The following ADGRB3 variants were observed in gnomAD, a reference collection of about 807,000 sequenced individuals.
ADGRB3 encodes the protein adhesion G protein-coupled receptor B3.
A neutral mutation model predicts 193.4 loss-of-function variants in ADGRB3; 37 were observed. The observed-to-expected ratio is 0.19, with a 90% CI of 0.15 to 0.25. The LOEUF is 0.25. Ranked by LOEUF, ADGRB3 falls within the 10% of genes least tolerant of loss-of-function variation. The pLI is 1.00. For synonymous variants in ADGRB3, 690 were observed against 644.2 expected (o/e 1.07, Z -1.08); for missense variants, 1,637 against 1,852.9 (o/e 0.88, Z 2.14).
At chr6:68,854,726 C>T (rs922871599) in intron 3 of ADGRB3, among the ~76,000 whole-genome samples, 1 of 152,152 alleles carries the variant, frequency 6.6e-6, no homozygotes, top group Non-Finnish European at 1.5e-5. Context: ...CTGAATACCT[C>T]ACTCTAATCA....
At chr6:68,705,128 C>A (rs117949363) in intron 3 of ADGRB3, among the ~76,000 whole-genome samples, 3,393 of 152,290 alleles carry the variant, frequency 0.022, 65 homozygotes, top group South Asian at 0.074. Flanking sequence ...TAGGCACCAA[C>A]TTTGTAGTCA....
intron 6 of ADGRB3, among the ~76,000 whole-genome samples, chr6:68,946,506 T>G (rs1414008280): frequency 6.6e-6 from 1 of 152,170 alleles, no homozygotes; most frequent in East Asian, 1.9e-4. Context: ...AGATGGTAAC[T>G]TGAGGATTCA....
At chr6:69,076,655 C>A (rs1196476560) in intron 17 of ADGRB3, among the ~76,000 whole-genome samples, 3 of 151,864 alleles carry the variant, frequency 2.0e-5, no homozygotes, top group African/African-American at 7.3e-5. Context: ...TATTGATAAT[C>A]CTGAGATTTT....
chr6:68,847,433 C>G (rs1280913252), intron 3 of ADGRB3, among the ~76,000 whole-genome samples: 1 of 152,148 alleles, frequency 6.6e-6, no homozygotes, highest in Non-Finnish European at 1.5e-5. Context: ...TGAATTGTAT[C>G]TCCCAGAATT....
In ADGRB3 at chr6:69,338,929, C is replaced by G. The variant is rs769568957; in HGVS notation, c.3202C>G (p.Pro1068Ala). 6.8e-6 allele frequency: 11 copies of G among 1,613,562 alleles called. No individual in the cohort carries two copies. Among genetic ancestry groups the G allele is most frequent in the Admixed American group, 3.3e-5 (2 of 59,976 alleles). The change falls in exon 25 of 32, where the codon CCT (proline) becomes GCT (alanine). Residue 1068 changes from proline to alanine, a missense_variant. Physicochemically the swap from Pro to Ala is conservative, Grantham distance 27 (BLOSUM62 -1). Around this residue, in one of 7 missense-constraint regions of ADGRB3, gnomAD observed 56 missense variants for 53.3 expected, o/e 1.05. Transcript: ENST00000370598. ...GTTTGTTTGCAGTCAGATGAGTGAG[C>G]CTCATAGCGGTTTGACGCTCAAATG... ...LKHRAGQMSE[P>A]HSGLTLKCAK... is the part of the protein sequence containing the mutation.
chr6:69,356,690 G>A (rs1769344127), intron 28 of ADGRB3, among the ~76,000 whole-genome samples: 1 of 152,038 alleles, frequency 6.6e-6, no homozygotes, highest in Non-Finnish European at 1.5e-5. Context: ...TACGGAATAT[G>A]GGTTATTGTA....
chr6:69,350,014 C>T (rs74790860), intron 26 of ADGRB3, among the ~76,000 whole-genome samples: 5,655 of 152,192 alleles, frequency 0.037, 176 homozygotes, highest in Admixed American at 0.095. Context: ...GCCTTCAGAG[C>T]GAAGACCAGT....
intron 3 of ADGRB3, among the ~76,000 whole-genome samples, chr6:68,840,369 CTTTTTTTTTTTTTTTTTTTT>C (rs752625602): frequency 0.077 from 5,335 of 69,442 alleles, 243 homozygotes; most frequent in Non-Finnish European, 0.099. Context: ...ACTGGGCAGT[CTTTTTTTTTTTTTTTTTTTT>C]TTTTTTTTTT....
At chr6:69,032,915 G>A (rs1770755470) in intron 13 of ADGRB3, among the ~76,000 whole-genome samples, 1 of 152,040 alleles carries the variant, frequency 6.6e-6, no homozygotes, top group South Asian at 2.1e-4. Context: ...CATATATTTA[G>A]CACATACAAA....
chr6:69,377,896 A>G (rs540375352), intron 30 of ADGRB3, among the ~76,000 whole-genome samples: 1 of 152,218 alleles, frequency 6.6e-6, no homozygotes, highest in South Asian at 2.1e-4. Flanking sequence ...CAATAAAATC[A>G]GAATGAGGAG....
At chr6:69,372,111 T>A (rs7751967) in intron 29 of ADGRB3, among the ~76,000 whole-genome samples, 139,724 of 152,112 alleles carry the variant, frequency 0.92, 64,256 homozygotes, top group East Asian at 1. Context: ...CATAGGAACA[T>A]TTTCTCCTTA....
chr6:69,102,286 C>T (rs990237314), intron 17 of ADGRB3, among the ~76,000 whole-genome samples: 17 of 151,644 alleles, frequency 1.1e-4, no homozygotes, highest in African/African-American at 4.1e-4. Context: ...CTGTAGTGAA[C>T]CTAGAAAAGT....
intron 15 of ADGRB3, among the ~76,000 whole-genome samples, chr6:69,059,874 G>A (rs1237876346): frequency 6.6e-6 from 1 of 151,936 alleles, no homozygotes; most frequent in African/African-American, 2.4e-5. Context: ...TGACATTTTT[G>A]TTTAGTATTT....
chr6:69,146,460 C>T (rs1334806833), intron 17 of ADGRB3, among the ~76,000 whole-genome samples: 1 of 152,218 alleles, frequency 6.6e-6, no homozygotes. Flanking sequence ...GTGGCTGCAG[C>T]TGCACCTCAG....
At chr6:68,921,377 G>C (rs1222454524) in intron 3 of ADGRB3, among the ~76,000 whole-genome samples, 1 of 152,180 alleles carries the variant, frequency 6.6e-6, no homozygotes, top group Non-Finnish European at 1.5e-5. Flanking sequence ...CAAAATTGGA[G>C]TAACATGAAA....
At chr6:69,336,003 A>G (rs569111844) in intron 24 of ADGRB3, among the ~76,000 whole-genome samples, 3 of 152,070 alleles carry the variant, frequency 2.0e-5, no homozygotes, top group South Asian at 4.1e-4. Context: ...AACAAGTTTT[A>G]TAATACACAA....
chr6:69,209,994 A>AGG lies in ADGRB3; in HGVS notation c.2481-23296_2481-23295insGG, dbSNP rs1170422842. ...AGCCAACTCCAGAAACCCCAAAACC[A>AGG]ATGAAAGAACTCCATCCTTAATACT... On this transcript the variant is annotated intron_variant, in intron 17 of 31. Transcript: ENST00000370598. Among the ~76,000 whole-genome samples the AGG allele has an allele frequency of 1.7e-3, 259 of 151,174 alleles. 1 individual carries two copies. The highest frequency in any genetic ancestry group is 2.7e-3 in the Non-Finnish European group (183 of 67,800).
intron 3 of ADGRB3, among the ~76,000 whole-genome samples, chr6:68,763,519 A>T (rs192942868): frequency 6.6e-6 from 1 of 152,364 alleles, no homozygotes; most frequent in East Asian, 1.9e-4. Flanking sequence ...AGTTAACATG[A>T]AATTTTAATA....
In ADGRB3 at chr6:68,811,964, G is replaced by A. The variant is rs149684178; in HGVS notation, c.758-118595G>A. ...TACCCTAAAGATTTAGTGAGGTAGA[G>A]AACACAGAGTTTTTAGTTGTAGTAG... On this transcript the variant is annotated intron_variant, in intron 3 of 31. Coordinates refer to ENST00000370598, the MANE Select transcript of ADGRB3 (RefSeq NM_001704.3). 1.9e-3 allele frequency among the ~76,000 whole-genome samples: 293 copies of A among 152,316 alleles called. 3 individuals are homozygous for A. The Middle Eastern group carries it at 0.038, about 20-fold the overall frequency.
Sources: allele counts gnomAD v4.1 joint callset (sites outside exome capture counted in the v4.1 genomes callset), GRCh38; gene constraint gnomAD v4.1.1; regional missense constraint gnomAD v4.1.1; transcripts MANE v1.5; gene names NCBI Gene and HGNC (gene_info 2026-07-23, HGNC 2026-07-21).